Variants in FAM168B observed in about 807,000 individuals in gnomAD.
The protein encoded by FAM168B is myelin-associated neurite-outgrowth inhibitor.
Under a neutral mutation model 21.8 loss-of-function variants are expected in FAM168B, and 19 were observed. That is an observed-to-expected ratio of 0.87 (90% CI 0.61 to 1.28). The LOEUF is 1.28. FAM168B is among the 50% of genes most tolerant of loss of function. The probability of loss-of-function intolerance (pLI) is 0.00; values close to 1 mark genes in which losing one functional copy is unlikely to be tolerated. For synonymous variants in FAM168B, 126 were observed against 104.8 expected (o/e 1.20, Z -1.24); for missense variants, 233 against 263.1 (o/e 0.89, Z 0.79).
intron 2 of FAM168B, among the ~76,000 whole-genome samples, chr2:131,081,758 C>G (rs1693444877): frequency 6.6e-6 from 1 of 152,202 alleles, no homozygotes; most frequent in Non-Finnish European, 1.5e-5. Flanking sequence ...GTGCCCAGGA[C>G]AGGCACGACA....
intron 1 of FAM168B, among the ~76,000 whole-genome samples, chr2:131,086,847 C>A (rs1465940242): frequency 7.7e-6 from 1 of 129,468 alleles, no homozygotes; most frequent in Middle Eastern, 3.4e-3. Context: ...GGGCGGATCA[C>A]GAGGTCAGGA....
intron 1 of FAM168B, among the ~76,000 whole-genome samples, chr2:131,087,969 G>C (rs900138201): frequency 4.6e-5 from 7 of 152,170 alleles, no homozygotes. Context: ...TACTTGGCTG[G>C]TTGCAGTGGC....
intron 1 of FAM168B, among the ~76,000 whole-genome samples, chr2:131,092,100 C>A (rs985118285): frequency 6.6e-6 from 1 of 150,776 alleles, no homozygotes; most frequent in African/African-American, 2.4e-5. Flanking sequence ...GCCGAGATGG[C>A]GCCACTGCAC....
In FAM168B at chr2:131,049,711, T is replaced by G. The variant is rs1484981962; in HGVS notation, c.*2754A>C. Reference sequence around the variant, plus strand: ...CTAGGTCCTTTGCTTACCTGCTGTCTCAACTTCTAAAAGAATAGTAATTCA... The same window carrying G: ...CTAGGTCCTTTGCTTACCTGCTGTCGCAACTTCTAAAAGAATAGTAATTCA... On this transcript the variant is annotated 3_prime_UTR_variant, in exon 7 of 7. Coordinates refer to ENST00000389915, the MANE Select transcript of FAM168B (RefSeq NM_001009993.4). 1.0e-6 allele frequency: 1 copy of G among 985,754 alleles called. No individual in the cohort carries two copies. Among genetic ancestry groups the G allele is most frequent in the Admixed American group, 6.1e-5 (1 of 16,276 alleles). 61.1% of individuals were successfully genotyped at this position (985,754 alleles called of 1,614,324 possible). A position where few individuals can be genotyped will look rare whatever the true frequency, so the allele number is the denominator to read the frequency against.
At chr2:131,083,503 T>C (rs948494297) in intron 1 of FAM168B, among the ~76,000 whole-genome samples, 2 of 152,164 alleles carry the variant, frequency 1.3e-5, no homozygotes, top group Admixed American at 6.6e-5. Context: ...CTCATGCCAT[T>C]GCACTCCAAC....
At chr2:131,071,751 C>A in intron 3 of FAM168B, 104 bp downstream of exon 3, 1 of 972,396 alleles carries the variant, frequency 1.0e-6, no homozygotes. Flanking sequence ...CTTGAGAAAT[C>A]GACTCAACCA....
intron 1 of FAM168B, among the ~76,000 whole-genome samples, chr2:131,083,487 G>C (rs1267419930): frequency 6.6e-6 from 1 of 152,060 alleles, no homozygotes; most frequent in South Asian, 2.1e-4. Flanking sequence ...TTAGCAGTGA[G>C]CCAAGCTCAT....
chr2:131,052,946 G>A lies in FAM168B; in HGVS notation c.545C>T (p.Ala182Val), dbSNP rs1259609573. Residue 182 changes from alanine to valine, a missense_variant, in exon 6 of 7, where the codon GCC (alanine) becomes GTC (valine). Physicochemically the swap from Ala to Val is moderately conservative, Grantham distance 64. Transcript: ENST00000389915. ...PHPVTVPTYR[A>V]PGTPTYSYVP... ...ATAGCTGTAAGTGGGCGTTCCTGGG[G>A]CCCGGTACGTGGGCACAGTGACCGG... is the stretch of plus-strand genomic sequence containing the variant. 6.4e-7 allele frequency: 1 copy of A among 1,564,320 alleles called. No homozygotes were observed. Among genetic ancestry groups the A allele is most frequent in the East Asian group, 2.4e-5 (1 of 42,356 alleles).
intron 5 of FAM168B, 79 bp downstream of exon 5, chr2:131,055,193 G>A (rs139938505): frequency 5.2e-6 from 7 of 1,333,716 alleles, no homozygotes; most frequent in Admixed American, 5.8e-5. Flanking sequence ...AGAGCCAAGG[G>A]TCAGAGGATT....
intron 2 of FAM168B, among the ~76,000 whole-genome samples, chr2:131,077,412 C>T (rs932076158): frequency 2.6e-5 from 4 of 152,154 alleles, no homozygotes; most frequent in Admixed American, 1.3e-4. Context: ...CAACTGCTAA[C>T]CCTTGCCCCA....
At chr2:131,092,882 G>A (rs1694105315) in intron 1 of FAM168B, among the ~76,000 whole-genome samples, 1 of 152,136 alleles carries the variant, frequency 6.6e-6, no homozygotes, top group African/African-American at 2.4e-5. Context: ...AATGACTATT[G>A]TCACAAAGCT....
intron 2 of FAM168B, among the ~76,000 whole-genome samples, chr2:131,072,520 G>T (rs774232263): frequency 6.6e-6 from 1 of 151,552 alleles, no homozygotes; most frequent in Non-Finnish European, 1.5e-5. Flanking sequence ...AGGCTAGAGT[G>T]CAGTGGCGCG....
intron 2 of FAM168B, among the ~76,000 whole-genome samples, chr2:131,079,613 C>G (rs1478982722): frequency 6.6e-6 from 1 of 152,204 alleles, no homozygotes; most frequent in Admixed American, 6.5e-5. Context: ...GGATTTTCCT[C>G]TGGGCCTGCA....
chr2:131,070,210 CCA>C (rs1692805228), intron 3 of FAM168B, among the ~76,000 whole-genome samples: 1 of 152,080 alleles, frequency 6.6e-6, no homozygotes, highest in African/African-American at 2.4e-5. Flanking sequence ...AATGAAAAAG[CCA>C]CAGACTGGGA....
At chr2:131,080,485 G>A (rs1693378673) in intron 2 of FAM168B, among the ~76,000 whole-genome samples, 1 of 151,284 alleles carries the variant, frequency 6.6e-6, no homozygotes, top group Non-Finnish European at 1.5e-5. Flanking sequence ...GGGCATGGTG[G>A]CATGCATCTG....
chr2:131,076,610 G>A (rs964872192), intron 2 of FAM168B, among the ~76,000 whole-genome samples: 6 of 146,300 alleles, frequency 4.1e-5, no homozygotes, highest in Admixed American at 3.5e-4. Flanking sequence ...CCGAGATCGC[G>A]CCACTGCACT....
intron 2 of FAM168B, among the ~76,000 whole-genome samples, chr2:131,074,160 C>T (rs796810091): frequency 1.3e-5 from 2 of 152,212 alleles, no homozygotes; most frequent in African/African-American, 2.4e-5. Flanking sequence ...GACAGAGTCT[C>T]GCTCTGTTGC....
In FAM168B at chr2:131,082,558, C is replaced by A; in HGVS notation, c.70+19G>T. 1 of 1,567,992 alleles carries A rather than the reference C, an allele frequency of 6.4e-7. No homozygotes were observed. Among genetic ancestry groups the A allele is most frequent in the Non-Finnish European group, 8.7e-7 (1 of 1,154,192 alleles). On this transcript the variant is annotated intron_variant, in intron 2 of 6. Transcript: ENST00000389915. ...AGTATTCAAAGTTCAAAAATGAAAA[C>A]AAAATTTTACTTACTTACCTGGATA... is the stretch of plus-strand genomic sequence containing the variant.
chr2:131,055,968 G>A (rs1358136957), intron 3 of FAM168B, among the ~76,000 whole-genome samples: 2 of 152,204 alleles, frequency 1.3e-5, no homozygotes, highest in African/African-American at 4.8e-5. Flanking sequence ...CACAAGGACA[G>A]GAAATAAAAA....
Sources: allele counts gnomAD v4.1 joint callset (sites outside exome capture counted in the v4.1 genomes callset), GRCh38; gene constraint gnomAD v4.1.1; transcripts MANE v1.5; gene names NCBI Gene and HGNC (gene_info 2026-07-23, HGNC 2026-07-21).